DAOA: variants seen among roughly 807,000 people sequenced by gnomAD.
The protein encoded by DAOA is D-amino acid oxidase regulator.
In DAOA, 15 loss-of-function variants were observed where a neutral mutation model predicts 16.4. The observed-to-expected ratio is 0.91, with a 90% CI of 0.61 to 1.41. The LOEUF (loss-of-function observed/expected upper bound fraction) is 1.41, where lower values mean the gene tolerates loss of function less well. DAOA is among the 40% of genes most tolerant of loss of function. The pLI, the probability that DAOA is intolerant of heterozygous loss-of-function variation, is 0.00. For synonymous variants in DAOA, 75 were observed against 59.1 expected (o/e 1.27, Z -1.23); for missense variants, 230 against 176.8 (o/e 1.30, Z -1.71).
intron 4 of DAOA, among the ~76,000 whole-genome samples, chr13:105,476,743 ATTGAGT>A (rs1453906645): frequency 1.3e-5 from 2 of 152,144 alleles, no homozygotes; most frequent in African/African-American, 4.8e-5. Flanking sequence ...AAGGCATATG[ATTGAGT>A]TAGAGTACCT....
chr13:105,489,251 G>A (rs1008393510), intron 4 of DAOA, among the ~76,000 whole-genome samples: 1 of 152,188 alleles, frequency 6.6e-6, no homozygotes, highest in Non-Finnish European at 1.5e-5. Flanking sequence ...ATAGCATGAG[G>A]TCTGAAGCCA....
intron 4 of DAOA, among the ~76,000 whole-genome samples, chr13:105,475,514 TC>T (rs1877266604): frequency 1.3e-5 from 2 of 152,112 alleles, no homozygotes; most frequent in Admixed American, 6.6e-5. Context: ...TTTTATGAGA[TC>T]CTCTAAGCAA....
intron 4 of DAOA, among the ~76,000 whole-genome samples, chr13:105,483,225 C>G (rs1877873372): frequency 6.6e-6 from 1 of 152,158 alleles, no homozygotes; most frequent in African/African-American, 2.4e-5. Context: ...TCCACTGCAT[C>G]ACAGTTTCTT....
intron 4 of DAOA, among the ~76,000 whole-genome samples, chr13:105,484,335 G>A (rs1009675776): frequency 3.9e-5 from 6 of 152,088 alleles, no homozygotes; most frequent in African/African-American, 1.4e-4. Context: ...GTTTACATAG[G>A]AATTTTAAAT....
intron 1 of DAOA, 70 bp downstream of exon 1, chr13:105,466,130 G>T (rs2139160076): frequency 8.9e-7 from 1 of 1,120,606 alleles, no homozygotes. Flanking sequence ...GTGTTCTGAT[G>T]ATCTTTTGCT....
rs1310395608 is a variant in DAOA, at chr13:105,486,253, GT to G, written c.282-3641del. On this transcript the variant is annotated intron_variant, in intron 4 of 5. Transcript: ENST00000375936. ...TTCATACGCGCTCACTCATTGGAGT[GT>G]TTTTTTCACTTCATCAAAGTATTCT... is the stretch of plus-strand genomic sequence containing the variant. Among the ~76,000 whole-genome samples the G allele has an allele frequency of 9.2e-5, 14 of 152,126 alleles. 1 individual carries two copies. The East Asian group carries it at 9.7e-4, about 11-fold the overall frequency.
chr13:105,485,710 G>A (rs996047409), intron 4 of DAOA, among the ~76,000 whole-genome samples: 11 of 152,096 alleles, frequency 7.2e-5, no homozygotes, highest in Non-Finnish European at 1.5e-4. Context: ...AGGAGAAGAG[G>A]TACAGAGGCA....
At chr13:105,488,690 C>T (rs1359040534) in intron 4 of DAOA, among the ~76,000 whole-genome samples, 2 of 152,184 alleles carry the variant, frequency 1.3e-5, no homozygotes, top group Non-Finnish European at 2.9e-5. Context: ...GCTTACTCCA[C>T]TGGAAAAGTG....
At chr13:105,476,781 C>T (rs966490349) in intron 4 of DAOA, among the ~76,000 whole-genome samples, 6 of 151,574 alleles carry the variant, frequency 4.0e-5, no homozygotes, top group Non-Finnish European at 5.9e-5. Flanking sequence ...TAACTCAAAA[C>T]GTTTGAGTCT....
At chr13:105,481,232 G>A (rs1877724009) in intron 4 of DAOA, among the ~76,000 whole-genome samples, 1 of 152,048 alleles carries the variant, frequency 6.6e-6, no homozygotes, top group Admixed American at 6.6e-5. Context: ...CCAGTGTCAG[G>A]ACCTGTGAAA....
chr13:105,488,509 A>G (rs1037105055), intron 4 of DAOA, among the ~76,000 whole-genome samples: 1 of 152,212 alleles, frequency 6.6e-6, no homozygotes, highest in Non-Finnish European at 1.5e-5. Context: ...TCTTACGTAT[A>G]TATTTCAAAG....
rs906438646 is a variant in DAOA, at chr13:105,489,707, G to A, written c.282-194G>A. The stretch of plus-strand genomic sequence containing the variant: ...AATTATATCCAAATATGTAGTTGTG[G>A]CAGTTAGACCCTAAGTGACCCACAT... On this transcript the variant is annotated intron_variant, in intron 4 of 5. Transcript: ENST00000375936. 8 of 1,199,426 alleles carry A rather than the reference G, an allele frequency of 6.7e-6. No individual in the cohort carries two copies. In the African/African-American group the frequency reaches 1.2e-4, roughly 19 times the overall value. The allele number at this position is 1,199,426 out of a possible 1,614,324, so 74.3% of individuals were successfully genotyped here. A position where few individuals can be genotyped will look rare whatever the true frequency, so the allele number is the denominator to read the frequency against.
chr13:105,467,700 A>G (rs1876627465), intron 3 of DAOA: 1 of 143,382 alleles, frequency 7.0e-6, no homozygotes, highest in Admixed American at 7.2e-5. Flanking sequence ...CACCCAGCCC[A>G]TTAATGTTTA....
At chr13:105,488,431 G>A (rs4598771) in intron 4 of DAOA, among the ~76,000 whole-genome samples, 33,909 of 152,060 alleles carry the variant, frequency 0.22, 4,967 homozygotes, top group African/African-American at 0.42. Context: ...AATGCTATTT[G>A]TAATTGGTAC....
At chr13:105,484,804 G>C (rs910684955) in intron 4 of DAOA, among the ~76,000 whole-genome samples, 7 of 151,996 alleles carry the variant, frequency 4.6e-5, no homozygotes, top group African/African-American at 1.7e-4. Flanking sequence ...ATTTATTGCT[G>C]CCTTACTACT....
chr13:105,479,608 C>A (rs563997406), intron 4 of DAOA, among the ~76,000 whole-genome samples: 21 of 152,272 alleles, frequency 1.4e-4, no homozygotes, highest in African/African-American at 4.6e-4. Context: ...TTCACATGGT[C>A]ACCATTCCCT....
Position 105,490,163 on chromosome 13 carries a change from C to CT in DAOA, c.*83dup, listed in dbSNP as rs2066800832. On this transcript the variant is annotated 3_prime_UTR_variant, in exon 5 of 6. Transcript: ENST00000375936. ...CATCTTCACTGGACTCTGACGGACT[C>CT]TGTGTCTGGGACCCAGCTGATAACA... 2 of 1,459,664 alleles carry CT rather than the reference C, an allele frequency of 1.4e-6. No individual in the cohort carries two copies. Among genetic ancestry groups the CT allele is most frequent in the African/African-American group, 2.8e-5 (2 of 70,378 alleles). The allele number at this position is 1,459,664 out of a possible 1,614,324, so 90.4% of individuals were successfully genotyped here. A position where few individuals can be genotyped will look rare whatever the true frequency, so the allele number is the denominator to read the frequency against.
At chr13:105,472,769 C>A in intron 4 of DAOA, 84 bp downstream of exon 4, 1 of 1,271,634 alleles carries the variant, frequency 7.9e-7, no homozygotes. Flanking sequence ...CTTCTCTGGG[C>A]TTTTTAATAT....
chr13:105,483,980 C>T (rs1317807706), intron 4 of DAOA, among the ~76,000 whole-genome samples: 1 of 152,078 alleles, frequency 6.6e-6, no homozygotes, highest in Middle Eastern at 3.2e-3. Context: ...CTGTTAGTCT[C>T]ATATGTTTTC....
Sources: allele counts gnomAD v4.1 joint callset (sites outside exome capture counted in the v4.1 genomes callset), GRCh38; gene constraint gnomAD v4.1.1; transcripts MANE v1.5; gene names NCBI Gene and HGNC (gene_info 2026-07-23, HGNC 2026-07-21).